PGBD5: variants seen among roughly 807,000 people sequenced by gnomAD.
PGBD5 encodes the protein piggyBac transposable element derived 5.
In PGBD5, 14 loss-of-function variants were observed where a neutral mutation model predicts 47.9. The observed-to-expected ratio is 0.29, with a 90% CI of 0.19 to 0.46. The LOEUF (loss-of-function observed/expected upper bound fraction) is 0.46, where lower values mean the gene tolerates loss of function less well. Ranked by LOEUF, PGBD5 falls within the 20% of genes least tolerant of loss-of-function variation. PGBD5 has a pLI of 1.00. For missense variants in PGBD5, 635 were observed against 716.0 expected, an observed-to-expected ratio of 0.89 and a Z score of 1.29; for synonymous variants, 316 against 306.3, an observed-to-expected ratio of 1.03 and a Z score of -0.33.
intron 4 of PGBD5, among the ~76,000 whole-genome samples, chr1:230,334,316 T>C (rs1032393607): frequency 1.3e-5 from 2 of 152,060 alleles, no homozygotes; most frequent in African/African-American, 4.8e-5. Context: ...GAATCTGTTC[T>C]TAGAAACAGG....
At chr1:230,343,960 T>C (rs535435908) in intron 3 of PGBD5, among the ~76,000 whole-genome samples, 1 of 152,298 alleles carries the variant, frequency 6.6e-6, no homozygotes, top group African/African-American at 2.4e-5. Context: ...AGTTCTCTCC[T>C]TGGAGGAGTC....
intron 3 of PGBD5, among the ~76,000 whole-genome samples, chr1:230,341,767 G>A (rs1159459816): frequency 2.0e-5 from 3 of 152,168 alleles, no homozygotes; most frequent in African/African-American, 7.2e-5. Context: ...TGGGCAAAAT[G>A]CAGCCAGTTA....
Position 230,314,555 on chromosome 1 carries a change from C to T in PGBD5, c.*8870G>A, listed in dbSNP as rs1442880056. 2.0e-5 allele frequency: 3 copies of T among 148,788 alleles called. No individual in the cohort carries two copies. Among genetic ancestry groups the T allele is most frequent in the African/African-American group, 4.9e-5 (2 of 40,568 alleles). 9.2% of individuals were successfully genotyped at this position (148,788 alleles called of 1,614,324 possible). ...CAAACTTGGTTGAAGAAATAAGAACCACATGACAAAATGCTTGAATTAAAT... is the reference window on the plus strand; with the variant it reads ...CAAACTTGGTTGAAGAAATAAGAACTACATGACAAAATGCTTGAATTAAAT... On this transcript the variant is annotated 3_prime_UTR_variant, in exon 7 of 7. Transcript: ENST00000391860.
chr1:230,404,409 G>A (rs2102743953), intron 1 of PGBD5, among the ~76,000 whole-genome samples: 1 of 152,054 alleles, frequency 6.6e-6, no homozygotes, highest in Non-Finnish European at 1.5e-5. Context: ...GAGCCTAGGA[G>A]TTTGGGACCA....
chr1:230,420,277 T>C (rs1381458525), intron 1 of PGBD5, among the ~76,000 whole-genome samples: 1 of 152,214 alleles, frequency 6.6e-6, no homozygotes, highest in Non-Finnish European at 1.5e-5. Flanking sequence ...AAAACATCTT[T>C]TTAAAATTTA....
Position 230,344,270 on chromosome 1 carries a change from G to A in PGBD5, c.894+6688C>T, listed in dbSNP as rs1029793219. Among the ~76,000 whole-genome samples, 8 of 152,116 alleles carry A rather than the reference G, an allele frequency of 5.3e-5. No homozygotes were observed. The East Asian group carries it at 1.5e-3, about 29-fold the overall frequency. On this transcript the variant is annotated intron_variant, in intron 3 of 6. Coordinates refer to ENST00000391860, the MANE Select transcript of PGBD5 (RefSeq NM_001258311.2). ...ACTACACTCCAGCCTGGGCAACAGA[G>A]GGAGACTCCGTCTCCAAAAAAAAAA...
chr1:230,395,725 A>C (rs147973837), intron 1 of PGBD5, among the ~76,000 whole-genome samples: 11 of 2,516 alleles, frequency 4.4e-3, no homozygotes, highest in Admixed American at 0.01. Context: ...TCCTCTCCTC[A>C]CACTCCTCCC....
rs140957657 is a variant in PGBD5 at position 230,394,941 on chromosome 1, C to T, written c.331+30657G>A. 2.3e-3 allele frequency among the ~76,000 whole-genome samples: 311 copies of T among 138,190 alleles called. 1 individual carries two copies. The highest frequency in any genetic ancestry group is 8.0e-3 in the African/African-American group (291 of 36,456). The allele number at this position is 138,190 out of a possible 152,430, so 90.7% of individuals were successfully genotyped here. A position where few individuals can be genotyped will look rare whatever the true frequency, so the allele number is the denominator to read the frequency against. On this transcript the variant is annotated intron_variant, in intron 1 of 6. Coordinates refer to ENST00000391860, the MANE Select transcript of PGBD5 (RefSeq NM_001258311.2). ...CTCCTACCCTCCTCTCCTCCACTCACGCTCCTGCTGATCCCCAAGCTCCTC... is the reference window on the plus strand; with the variant it reads ...CTCCTACCCTCCTCTCCTCCACTCATGCTCCTGCTGATCCCCAAGCTCCTC...
intron 1 of PGBD5, among the ~76,000 whole-genome samples, chr1:230,374,997 G>A (rs181323415): frequency 2.6e-4 from 39 of 152,300 alleles, no homozygotes; most frequent in East Asian, 2.3e-3. Context: ...CCACTGCCCC[G>A]CTCAGGGGGT....
intron 1 of PGBD5, among the ~76,000 whole-genome samples, chr1:230,403,058 A>G (rs973225317): frequency 6.6e-6 from 1 of 152,176 alleles, no homozygotes; most frequent in Non-Finnish European, 1.5e-5. Flanking sequence ...TTAGAGTCCT[A>G]TCAGACAAGA....
intron 1 of PGBD5, among the ~76,000 whole-genome samples, chr1:230,398,219 T>A (rs1015505578): frequency 1.3e-5 from 2 of 152,152 alleles, no homozygotes; most frequent in African/African-American, 4.8e-5. Flanking sequence ...TAAGCAACCA[T>A]AACAAAGTAC....
At chr1:230,368,098 G>A (rs1667869944) in intron 1 of PGBD5, 1 of 1,367,830 alleles carries the variant, frequency 7.3e-7, no homozygotes, top group Admixed American at 1.9e-5. Flanking sequence ...ATTTTCCACG[G>A]ATGTGCTCAA....
intron 1 of PGBD5, among the ~76,000 whole-genome samples, chr1:230,393,652 C>T (rs564079879): frequency 2.6e-5 from 4 of 152,006 alleles, no homozygotes; most frequent in Admixed American, 2.0e-4. Context: ...GGTGAAACCC[C>T]GTCTCTACTA....
chr1:230,405,264 A>C (rs1312752415), intron 1 of PGBD5, among the ~76,000 whole-genome samples: 2 of 151,664 alleles, frequency 1.3e-5, no homozygotes, highest in Non-Finnish European at 2.9e-5. Context: ...CACGGGTTTG[A>C]CCTGTGTGGG....
At chr1:230,395,149 T>TCTCTCA (rs1444685186) in intron 1 of PGBD5, among the ~76,000 whole-genome samples, 1 of 24,558 alleles carries the variant, frequency 4.1e-5, no homozygotes. Context: ...CCCGAGCTCC[T>TCTCTCA]CTCCCACCCT....
At chr1:230,335,856 TACACACACAGATGCATACACGG>T (rs1481816749) in intron 4 of PGBD5, among the ~76,000 whole-genome samples, 1 of 96,290 alleles carries the variant, frequency 1.0e-5, no homozygotes, top group African/African-American at 4.0e-5. Flanking sequence ...GACACACAGA[TACACACACAGATGCATACACGG>T]ACACACAGAT....
intron 1 of PGBD5, among the ~76,000 whole-genome samples, chr1:230,422,645 G>A (rs911311656): frequency 6.6e-6 from 1 of 152,152 alleles, no homozygotes; most frequent in Admixed American, 6.5e-5. Context: ...GGAGGTGAGA[G>A]AGGAGACAGA....
chr1:230,356,441 C>T (rs1458794350), intron 2 of PGBD5, among the ~76,000 whole-genome samples: 2 of 152,156 alleles, frequency 1.3e-5, no homozygotes, highest in African/African-American at 4.8e-5. Flanking sequence ...TCTGTGTGGG[C>T]ATAAGTAACC....
chr1:230,315,670 G>GTGTGTGTA lies in PGBD5; in HGVS notation c.*7747_*7754dup, dbSNP rs1491182249. The GTGTGTGTA allele has an allele frequency of 6.6e-6, 1 of 151,320 alleles. No homozygotes were observed. Among genetic ancestry groups the GTGTGTGTA allele is most frequent in the Non-Finnish European group, 1.5e-5 (1 of 67,880 alleles). 9.4% of individuals were successfully genotyped at this position (151,320 alleles called of 1,614,324 possible). A position where few individuals can be genotyped will look rare whatever the true frequency, so the allele number is the denominator to read the frequency against. ...CATGTGGTAGACTCTGTATTTTATCGTGTGTGTATGTGTGTGTATATTTAC... is the reference window on the plus strand; with the variant it reads ...CATGTGGTAGACTCTGTATTTTATCGTGTGTGTATGTGTGTATGTGTGTGTATATTTAC... On this transcript the variant is annotated 3_prime_UTR_variant, in exon 7 of 7. Transcript: ENST00000391860.
Sources: allele counts gnomAD v4.1 joint callset (sites outside exome capture counted in the v4.1 genomes callset), GRCh38; gene constraint gnomAD v4.1.1; transcripts MANE v1.5; gene names NCBI Gene and HGNC (gene_info 2026-07-23, HGNC 2026-07-21).